The following NRG3 variants were observed in gnomAD, a reference collection of about 807,000 sequenced individuals.
NRG3 encodes the protein neuregulin 3.
A neutral mutation model predicts 66.9 loss-of-function variants in NRG3; 31 were observed. The observed-to-expected ratio is 0.46, with a 90% CI of 0.35 to 0.63. The LOEUF (loss-of-function observed/expected upper bound fraction) is 0.63. NRG3 is among the 20% of genes least tolerant of loss of function. The pLI, the probability that NRG3 is intolerant of heterozygous loss-of-function variation, is 0.00. For synonymous variants in NRG3, 393 were observed against 359.4 expected (o/e 1.09, Z -1.06); for missense variants, 910 against 878.9 (o/e 1.04, Z -0.45).
chr10:82,932,353 G>A (rs1222731711), intron 4 of NRG3, among the ~76,000 whole-genome samples: 1 of 152,144 alleles, frequency 6.6e-6, no homozygotes, highest in African/African-American at 2.4e-5. Flanking sequence ...GATGTCACCT[G>A]TTTTTATTCT....
intron 1 of NRG3, among the ~76,000 whole-genome samples, chr10:82,052,085 CA>C (rs1198869385): frequency 6.7e-6 from 1 of 149,570 alleles, no homozygotes; most frequent in Non-Finnish European, 1.5e-5. Context: ...CAATGTATGA[CA>C]GGCAGAACTG....
intron 1 of NRG3, among the ~76,000 whole-genome samples, chr10:82,201,138 C>T (rs762472126): frequency 2.9e-5 from 4 of 140,066 alleles, no homozygotes; most frequent in Middle Eastern, 3.9e-3. Context: ...GTGGAGGTTG[C>T]GGTGAGCCAA....
Position 82,642,266 on chromosome 10 carries a change from A to AG in NRG3, c.954-96310dup, listed in dbSNP as rs543389708. ...CAACAAGTAACCAAATAGTAGATGG[A>AG]GTTTTTTTTTTTAATAGAAGTATAT... is the stretch of plus-strand genomic sequence containing the variant. On this transcript the variant is annotated intron_variant, in intron 2 of 8. Transcript: ENST00000372141. Among the ~76,000 whole-genome samples, 292 of 107,462 alleles carry AG rather than the reference A, an allele frequency of 2.7e-3. No individual in the cohort carries two copies. The Middle Eastern group carries it at 0.031, about 11-fold the overall frequency. 70.5% of individuals were successfully genotyped at this position (107,462 alleles called of 152,430 possible).
chr10:82,356,030 G>C (rs1435230636), intron 1 of NRG3, among the ~76,000 whole-genome samples: 1 of 152,156 alleles, frequency 6.6e-6, no homozygotes. Flanking sequence ...GAAAGCCTCA[G>C]TACATGTTAA....
At chr10:82,444,633 C>T (rs1016219298) in intron 2 of NRG3, among the ~76,000 whole-genome samples, 6 of 152,074 alleles carry the variant, frequency 3.9e-5, no homozygotes, top group Non-Finnish European at 7.4e-5. Context: ...AGGCATTAGA[C>T]ATGTAGAGCT....
rs189976777 is a variant in NRG3 at position 81,952,653 on chromosome 10, G to A, written c.823+76490G>A. ...CAGGGCACTTTTTTCTACCTGTGTT[G>A]GAGTAGAGTGTCACAATAATAGCTG... On this transcript the variant is annotated intron_variant, in intron 1 of 8. Transcript: ENST00000372141. Among the ~76,000 whole-genome samples, 96 of 152,138 alleles carry A rather than the reference G, an allele frequency of 6.3e-4. 1 individual carries two copies. Among genetic ancestry groups the A allele is most frequent in the Admixed American group, 1.6e-3 (24 of 15,278 alleles).
At chr10:82,585,022 C>T (rs376134045) in intron 2 of NRG3, among the ~76,000 whole-genome samples, 7 of 37,880 alleles carry the variant, frequency 1.8e-4, no homozygotes, top group African/African-American at 7.4e-4. Context: ...GGGGGGGGAA[C>T]GGGGGGAGTT....
chr10:82,489,403 A>T (rs1174888492), intron 2 of NRG3, among the ~76,000 whole-genome samples: 1 of 152,178 alleles, frequency 6.6e-6, no homozygotes, highest in Non-Finnish European at 1.5e-5. Context: ...TATGGCTGGT[A>T]TTGCATCAGC....
intron 2 of NRG3, among the ~76,000 whole-genome samples, chr10:82,688,412 A>T (rs2054673985): frequency 1.3e-5 from 2 of 152,184 alleles, no homozygotes; most frequent in African/African-American, 4.8e-5. Context: ...TTTCCTAAAA[A>T]ATCCCAGGAA....
chr10:81,921,469 C>G (rs909810041), intron 1 of NRG3, among the ~76,000 whole-genome samples: 10 of 152,060 alleles, frequency 6.6e-5, no homozygotes, highest in Admixed American at 6.5e-4. Context: ...CAAGTCAAAC[C>G]TCTTAGTCTT....
At chr10:81,917,026 C>A (rs941755686) in intron 1 of NRG3, among the ~76,000 whole-genome samples, 1 of 152,128 alleles carries the variant, frequency 6.6e-6, no homozygotes, top group East Asian at 1.9e-4. Context: ...AACCCCAAAA[C>A]ATATAATTTT....
chr10:82,961,659 T>C (rs1408644735), intron 6 of NRG3, among the ~76,000 whole-genome samples: 1 of 152,212 alleles, frequency 6.6e-6, no homozygotes, highest in Non-Finnish European at 1.5e-5. Context: ...TAGCGGTCAT[T>C]GGCGCTGATG....
At chr10:82,263,263 T>C (rs925179511) in intron 1 of NRG3, among the ~76,000 whole-genome samples, 11 of 152,070 alleles carry the variant, frequency 7.2e-5, no homozygotes, top group African/African-American at 2.7e-4. Flanking sequence ...ATAGAGATGA[T>C]TGAATTAGGC....
chr10:81,949,196 C>A (rs1849110589), intron 1 of NRG3, among the ~76,000 whole-genome samples: 1 of 152,110 alleles, frequency 6.6e-6, no homozygotes, highest in South Asian at 2.1e-4. Flanking sequence ...TGGCTCAAAG[C>A]TCTCAGGCTG....
chr10:82,213,548 C>T (rs1430211053), intron 1 of NRG3, among the ~76,000 whole-genome samples: 1 of 152,076 alleles, frequency 6.6e-6, no homozygotes, highest in Non-Finnish European at 1.5e-5. Context: ...ATCTGAAACA[C>T]TTGTACTCTG....
chr10:82,832,398 C>G (rs2062570419), intron 3 of NRG3, among the ~76,000 whole-genome samples: 3 of 152,164 alleles, frequency 2.0e-5, no homozygotes, highest in African/African-American at 4.8e-5. Context: ...TCCTTAAACC[C>G]CATTGAAAAT....
chr10:82,219,994 A>T (rs893884506), intron 1 of NRG3, among the ~76,000 whole-genome samples: 7 of 152,056 alleles, frequency 4.6e-5, no homozygotes, highest in Non-Finnish European at 1.0e-4. Context: ...ACACACACAT[A>T]TACTGATACA....
intron 4 of NRG3, among the ~76,000 whole-genome samples, chr10:82,927,764 T>G (rs2132126529): frequency 6.6e-6 from 1 of 152,352 alleles, no homozygotes; most frequent in East Asian, 1.9e-4. Context: ...TTGGGTTTGT[T>G]CCAAGTCTTT....
chr10:82,726,478 A>G (rs1473317838), intron 2 of NRG3, among the ~76,000 whole-genome samples: 2 of 152,228 alleles, frequency 1.3e-5, no homozygotes, highest in East Asian at 3.9e-4. Context: ...TGATGGTTTT[A>G]TAAATGGGAG....
Sources: allele counts gnomAD v4.1 joint callset (sites outside exome capture counted in the v4.1 genomes callset), GRCh38; gene constraint gnomAD v4.1.1; transcripts MANE v1.5; gene names NCBI Gene and HGNC (gene_info 2026-07-23, HGNC 2026-07-21).